The following ABCA13 variants were observed in gnomAD, a reference collection of about 807,000 sequenced individuals.
The protein encoded by ABCA13 is ATP-binding cassette sub-family A member 13.
Under a neutral mutation model 478.7 loss-of-function variants are expected in ABCA13, and 476 were observed. The observed-to-expected ratio is 0.99, with a 90% confidence interval of 0.92 to 1.07. The LOEUF (loss-of-function observed/expected upper bound fraction) is 1.07. Ranked by LOEUF, ABCA13 falls within the 50% of genes least tolerant of loss-of-function variation. The pLI, the probability that ABCA13 is intolerant of heterozygous loss-of-function variation, is 0.00. For synonymous variants in ABCA13, 2,252 were observed against 2,158.9 expected (o/e 1.04, Z -1.20); for missense variants, 6,060 against 5,910.6 (o/e 1.03, Z -0.83).
chr7:48,392,190 G>A, intron 38 of ABCA13, 51 bp downstream of exon 38: 1 of 1,533,876 alleles, frequency 6.5e-7, no homozygotes, highest in Non-Finnish European at 9.0e-7. Context: ...CATTGTGTAA[G>A]GAAGTGAAGA....
chr7:48,302,606 C>G (rs189252429), intron 23 of ABCA13, among the ~76,000 whole-genome samples: 26 of 152,282 alleles, frequency 1.7e-4, no homozygotes, highest in Non-Finnish European at 3.4e-4. Context: ...ATTTCATTTT[C>G]TGTTCCTGTG....
At chr7:48,260,079 T>A (rs976641640) in intron 15 of ABCA13, among the ~76,000 whole-genome samples, 3 of 152,106 alleles carry the variant, frequency 2.0e-5, no homozygotes, top group African/African-American at 7.2e-5. Flanking sequence ...ATCTGAATGA[T>A]CTTTGTTCTT....
chr7:48,568,337 A>G (rs1484070748), intron 55 of ABCA13, among the ~76,000 whole-genome samples: 1 of 152,034 alleles, frequency 6.6e-6, no homozygotes, highest in African/African-American at 2.4e-5. Flanking sequence ...ATTTTGTCAA[A>G]TTCTTTTTCT....
chr7:48,380,173 A>G (rs1814122350), intron 35 of ABCA13, among the ~76,000 whole-genome samples: 1 of 152,222 alleles, frequency 6.6e-6, no homozygotes, highest in South Asian at 2.1e-4. Context: ...ATTGTGCTAT[A>G]CAGTTTTAAA....
intron 29 of ABCA13, among the ~76,000 whole-genome samples, chr7:48,346,789 T>G (rs1268062428): frequency 6.6e-6 from 1 of 152,224 alleles, no homozygotes; most frequent in African/African-American, 2.4e-5. Flanking sequence ...ATTAAATAAC[T>G]ATCTAATGTG....
At chr7:48,497,920 A>G (rs1423344843) in intron 48 of ABCA13, among the ~76,000 whole-genome samples, 1 of 152,188 alleles carries the variant, frequency 6.6e-6, no homozygotes, top group African/African-American at 2.4e-5. Flanking sequence ...GGGTGGGGGC[A>G]GTGGTGGAAC....
chr7:48,335,947 T>C (rs1278794925), intron 28 of ABCA13, among the ~76,000 whole-genome samples: 1 of 152,214 alleles, frequency 6.6e-6, no homozygotes, highest in East Asian at 1.9e-4. Flanking sequence ...CTGACAATCA[T>C]TAATATAAAA....
intron 55 of ABCA13, among the ~76,000 whole-genome samples, chr7:48,564,417 G>A (rs1786810539): frequency 6.6e-6 from 1 of 150,780 alleles, no homozygotes; most frequent in Non-Finnish European, 1.5e-5. Flanking sequence ...TTTTCTGATA[G>A]CTGTAGTTTC....
chr7:48,238,885 A>G (rs1185077894), intron 8 of ABCA13, among the ~76,000 whole-genome samples: 2 of 152,230 alleles, frequency 1.3e-5, no homozygotes, highest in Non-Finnish European at 2.9e-5. Context: ...ATAGTCAGAA[A>G]AGAAAATGTT....
intron 3 of ABCA13, among the ~76,000 whole-genome samples, chr7:48,214,327 A>T (rs76476885): frequency 0.029 from 4,480 of 152,282 alleles, 185 homozygotes; most frequent in African/African-American, 0.095. Flanking sequence ...GAAGCAGTTG[A>T]TTTAGCATAG....
At chr7:48,369,083 G>C (rs1337357911) in intron 32 of ABCA13, among the ~76,000 whole-genome samples, 1 of 151,566 alleles carries the variant, frequency 6.6e-6, no homozygotes. Context: ...TGATTTTTTT[G>C]ATTATGGCCA....
chr7:48,434,776 G>C (rs1563251045), intron 42 of ABCA13, among the ~76,000 whole-genome samples: 1 of 151,854 alleles, frequency 6.6e-6, no homozygotes, highest in African/African-American at 2.4e-5. Flanking sequence ...TTTTCTCACT[G>C]AATGGTTTTG....
chr7:48,600,590 A>C (rs1790788613), intron 58 of ABCA13, among the ~76,000 whole-genome samples: 1 of 152,122 alleles, frequency 6.6e-6, no homozygotes, highest in Non-Finnish European at 1.5e-5. Context: ...CTTACTGGCT[A>C]GTCTAAGGAT....
At chr7:48,202,410 T>C (rs1188437081) in intron 3 of ABCA13, among the ~76,000 whole-genome samples, 1 of 152,000 alleles carries the variant, frequency 6.6e-6, no homozygotes, top group Non-Finnish European at 1.5e-5. Context: ...GAAGTGTCAA[T>C]TGGTGCACTC....
intron 41 of ABCA13, among the ~76,000 whole-genome samples, chr7:48,424,008 A>C (rs1448500249): frequency 6.6e-6 from 1 of 152,226 alleles, no homozygotes; most frequent in South Asian, 2.1e-4. Flanking sequence ...CTTATGGCCT[A>C]TATTCAGTTA....
intron 59 of ABCA13, among the ~76,000 whole-genome samples, chr7:48,625,922 T>C (rs1269829261): frequency 6.6e-6 from 1 of 152,198 alleles, no homozygotes; most frequent in Non-Finnish European, 1.5e-5. Context: ...TTCATACACA[T>C]TTATTGAGTA....
intron 57 of ABCA13, among the ~76,000 whole-genome samples, chr7:48,587,686 T>C (rs934035843): frequency 2.6e-5 from 4 of 152,206 alleles, no homozygotes; most frequent in Non-Finnish European, 5.9e-5. Flanking sequence ...ATCTTAAAGA[T>C]GGGTGTTGAG....
At position 48,537,902 on chromosome 7, in the gene ABCA13, G is replaced by A. The variant is rs187475600; in HGVS notation, c.14354+9557G>A. Among the ~76,000 whole-genome samples the A allele has an allele frequency of 1.2e-4, 19 of 152,206 alleles. No homozygotes were observed. The East Asian group carries it at 2.9e-3, about 23-fold the overall frequency. On this transcript the variant is annotated intron_variant, in intron 55 of 61. Coordinates refer to ENST00000435803, the MANE Select transcript of ABCA13 (RefSeq NM_152701.5). ...TTGTTTACTGAAACTAGGGGAAGGA[G>A]ATGAGGAGAACAAGGAAGTTAAACT...
At chr7:48,203,261 C>T (rs140588111) in intron 3 of ABCA13, among the ~76,000 whole-genome samples, 5,836 of 152,254 alleles carry the variant, frequency 0.038, 202 homozygotes, top group Admixed American at 0.11. Context: ...GGCCCGCAAG[C>T]GCCGCACGCA....
Sources: allele counts gnomAD v4.1 joint callset (sites outside exome capture counted in the v4.1 genomes callset), GRCh38; gene constraint gnomAD v4.1.1; transcripts MANE v1.5; gene names NCBI Gene and HGNC (gene_info 2026-07-23, HGNC 2026-07-21).